Variants in GALNT13 observed in about 807,000 individuals in gnomAD.
The protein encoded by GALNT13 is UDP-GalNAc:polypeptide N-acetylgalactosaminyltransferase 13.
GALNT13 carries 28 observed loss-of-function variants against 64.2 expected under a neutral mutation model. The ratio of observed to expected loss-of-function variants is 0.44; its 90% confidence interval spans 0.32 to 0.60. The LOEUF (loss-of-function observed/expected upper bound fraction) is 0.60, where lower values mean the gene tolerates loss of function less well. GALNT13 is among the 20% of genes least tolerant of loss of function. GALNT13 has a pLI of 0.05. For synonymous variants in GALNT13, 214 were observed against 224.6 expected, an observed-to-expected ratio of 0.95 and a Z score of 0.42; for missense variants, 577 against 669.8, an observed-to-expected ratio of 0.86 and a Z score of 1.53.
the GALNT13 span, among the ~76,000 whole-genome samples, chr2:153,496,556 A>G: frequency 6.6e-6 from 1 of 152,222 alleles, no homozygotes; most frequent in South Asian, 2.1e-4. Context: ...GGGTAAAAAT[A>G]AGATCACAGA....
At chr2:153,278,039 G>T in the GALNT13 span, among the ~76,000 whole-genome samples, 20 of 144,806 alleles carry the variant, frequency 1.4e-4, 1 homozygote, top group Middle Eastern at 0.011. Flanking sequence ...CCATTCTCCT[G>T]CCTCAGCCTC....
At chr2:154,157,411 CTA>C (rs1326697892) in intron 4 of GALNT13, among the ~76,000 whole-genome samples, 1 of 152,110 alleles carries the variant, frequency 6.6e-6, no homozygotes, top group East Asian at 1.9e-4. Context: ...TGGGGTCTCA[CTA>C]TGTCGCCCAG....
the GALNT13 span, among the ~76,000 whole-genome samples, chr2:153,366,629 G>A: frequency 1.3e-5 from 2 of 150,924 alleles, no homozygotes; most frequent in South Asian, 4.2e-4. Flanking sequence ...AGAAGTGATG[G>A]GCAAAAATAT....
the GALNT13 span, among the ~76,000 whole-genome samples, chr2:153,505,737 G>T: frequency 6.6e-6 from 1 of 151,938 alleles, no homozygotes; most frequent in Non-Finnish European, 1.5e-5. Context: ...ATATCATTTT[G>T]ATTTTCTTAA....
the GALNT13 span, among the ~76,000 whole-genome samples, chr2:153,650,314 T>C: frequency 1.3e-5 from 2 of 152,166 alleles, no homozygotes; most frequent in African/African-American, 4.8e-5. Context: ...TTCCATTTGC[T>C]TGGTAGATCT....
chr2:154,104,648 CT>C (rs1702517263), intron 3 of GALNT13, among the ~76,000 whole-genome samples: 1 of 152,200 alleles, frequency 6.6e-6, no homozygotes. Context: ...GCTTTGGCAG[CT>C]TGCCCTCTCA....
At chr2:153,953,850 T>C (rs1278508861) in intron 3 of GALNT13, among the ~76,000 whole-genome samples, 1 of 152,072 alleles carries the variant, frequency 6.6e-6, no homozygotes, top group Non-Finnish European at 1.5e-5. Context: ...CTGCTCTGAA[T>C]TGGGGGAAAT....
the GALNT13 span, among the ~76,000 whole-genome samples, chr2:153,399,562 G>A: frequency 9.9e-5 from 15 of 151,876 alleles, no homozygotes; most frequent in South Asian, 1.9e-3. Context: ...ATGAGCATGG[G>A]ATGTTCTTCC....
At chr2:154,439,979 C>A (rs1325681414) in intron 12 of GALNT13, among the ~76,000 whole-genome samples, 1 of 152,098 alleles carries the variant, frequency 6.6e-6, no homozygotes, top group Non-Finnish European at 1.5e-5. Flanking sequence ...TTTATTGGTA[C>A]CATCCTTGAT....
intron 3 of GALNT13, among the ~76,000 whole-genome samples, chr2:153,966,219 C>CTTTTT (rs761961683): frequency 1.9e-3 from 222 of 119,498 alleles, no homozygotes; most frequent in Non-Finnish European, 2.3e-3. Flanking sequence ...GGTTGGATTT[C>CTTTTT]TTTTTTTTTT....
chr2:153,215,809 C>T, the GALNT13 span, among the ~76,000 whole-genome samples: 17 of 151,408 alleles, frequency 1.1e-4, no homozygotes, highest in Non-Finnish European at 1.9e-4. Context: ...AACTAGTTCA[C>T]TATCAGTATA....
At chr2:153,464,367 T>C in the GALNT13 span, among the ~76,000 whole-genome samples, 1,206 of 152,196 alleles carry the variant, frequency 7.9e-3, 17 homozygotes, top group African/African-American at 0.027. Flanking sequence ...TTTCTCTCTC[T>C]GATCAGAGTT....
chr2:153,099,495 C>T, the GALNT13 span, among the ~76,000 whole-genome samples: 5 of 152,132 alleles, frequency 3.3e-5, no homozygotes, highest in African/African-American at 4.8e-5. Flanking sequence ...ATTTGTTATG[C>T]GTTCTGCTAA....
chr2:154,120,649 A>C (rs1367513416), intron 3 of GALNT13, among the ~76,000 whole-genome samples: 1 of 152,070 alleles, frequency 6.6e-6, no homozygotes, highest in Non-Finnish European at 1.5e-5. Context: ...AAATCAGTTT[A>C]GCCTTTGTGC....
intron 3 of GALNT13, among the ~76,000 whole-genome samples, chr2:154,019,605 C>CAG (rs1265471545): frequency 2.1e-4 from 2 of 9,600 alleles, no homozygotes; most frequent in Non-Finnish European, 2.1e-4. Context: ...TAAGACTCCA[C>CAG]ACACACACAC....
At chr2:153,432,319 G>T in the GALNT13 span, among the ~76,000 whole-genome samples, 10 of 152,238 alleles carry the variant, frequency 6.6e-5, no homozygotes, top group Middle Eastern at 3.4e-3. Context: ...ACCACCAGTG[G>T]ATTTTTTTCA....
At chr2:154,422,468 G>GA (rs1237980298) in intron 11 of GALNT13, among the ~76,000 whole-genome samples, 1 of 151,808 alleles carries the variant, frequency 6.6e-6, no homozygotes, top group African/African-American at 2.4e-5. Context: ...TCCATTAAAG[G>GA]AAAAAAAGCT....
the GALNT13 span, among the ~76,000 whole-genome samples, chr2:153,682,435 C>T: frequency 6.6e-6 from 1 of 151,654 alleles, no homozygotes; most frequent in Non-Finnish European, 1.5e-5. Context: ...TCTTGAACTC[C>T]AGCTCAGGCT....
chr2:153,783,504 C>T, the GALNT13 span, among the ~76,000 whole-genome samples: 1 of 152,008 alleles, frequency 6.6e-6, no homozygotes, highest in Non-Finnish European at 1.5e-5. Flanking sequence ...CATCAGTCAC[C>T]TTCAATGGTA....
Sources: gnomAD v4.1 joint callset for allele counts (sites outside exome capture counted in the v4.1 genomes callset) on GRCh38, gnomAD v4.1.1 for gene constraint, MANE v1.5 for transcripts, NCBI Gene and HGNC (gene_info 2026-07-23, HGNC 2026-07-21) for gene names.